GOLGB1: variants seen among roughly 807,000 people sequenced by gnomAD.
GOLGB1 encodes golgin subfamily B member 1.
Under a neutral mutation model 336.9 loss-of-function variants are expected in GOLGB1, and 174 were observed. That is an observed-to-expected ratio of 0.52 (90% CI 0.46 to 0.59). The LOEUF is 0.59. Among genes scored for constraint, GOLGB1 ranks in the 20% least tolerant of loss-of-function variants. The pLI, the probability that GOLGB1 is intolerant of heterozygous loss-of-function variation, is 0.00. For missense variants in GOLGB1, 3,331 were observed against 3,645.3 expected, an observed-to-expected ratio of 0.91 and a Z score of 2.22; for synonymous variants, 1,208 against 1,289.2, an observed-to-expected ratio of 0.94 and a Z score of 1.35.
At chr3:121,677,165 T>C in intron 16 of GOLGB1, 120 bp downstream of exon 16, 1 of 1,235,330 alleles carries the variant, frequency 8.1e-7, no homozygotes, top group Non-Finnish European at 1.2e-6. Flanking sequence ...GATGGGCACT[T>C]AATTTGTAGG....
At chr3:121,668,359 A>C in intron 18 of GOLGB1, 2 of 410,840 alleles carry the variant, frequency 4.9e-6, no homozygotes, top group Admixed American at 4.5e-5. Context: ...CCAGATTCTC[A>C]TTCTTGAATT....
chr3:121,696,440 T>C lies in GOLGB1; in HGVS notation c.4083A>G (p.Leu1361=), dbSNP rs1300562076. ...INKQGLEIES[L]KTVSHEAEVH... ...CTTCAGCTTCATGGGATACTGTCTT[T>C]AGACTCTCGATTTCTAAACCCTGTT... Residue 1361 remains leucine, a synonymous_variant, in exon 13 of 22, where the codon CTA becomes CTG. Transcript: ENST00000614479. The C allele has an allele frequency of 1.2e-6, 2 of 1,614,130 alleles. No homozygotes were observed. The highest frequency in any genetic ancestry group is 2.7e-5 in the African/African-American group (2 of 75,058).
In GOLGB1 at chr3:121,717,049, G is replaced by A. The variant is rs748402804; in HGVS notation, c.976C>T (p.Leu326=). The A allele has an allele frequency of 5.0e-6, 8 of 1,613,184 alleles. No homozygotes were observed. Among genetic ancestry groups the A allele is most frequent in the Non-Finnish European group, 4.2e-6 (5 of 1,179,192 alleles). The stretch of plus-strand genomic sequence containing the variant: ...GCCACTTCAAGTTCCATCTTTTCCA[G>A]TAGAATCTTGGACTCCTCTCTTTCT... ...ETEREESKIL[L]EKMELEVAER... The change falls in exon 9 of 22, where the codon CTG becomes TTG. Residue 326 remains leucine (L), a synonymous_variant. Transcript: ENST00000614479.
chr3:121,723,583 A>C (rs1317168574), intron 5 of GOLGB1, among the ~76,000 whole-genome samples: 2 of 152,232 alleles, frequency 1.3e-5, no homozygotes, highest in Non-Finnish European at 1.5e-5. Context: ...TTTCACTTCT[A>C]AGTAGTATTC....
rs779496010 is a variant in GOLGB1, at chr3:121,668,156, C to G, written c.9324G>C (p.Gly3108=). 6.4e-7 allele frequency: 1 copy of G among 1,562,074 alleles called. No homozygotes were observed. Among genetic ancestry groups the G allele is most frequent in the Non-Finnish European group, 8.8e-7 (1 of 1,140,348 alleles). ...LEKQVQELQA[G]PLNIDVAPGA... ...CTGGAGCAACATCTATATTTAGTGG[C>G]CCCTGGAAGAAGAATAAGCTTAGTA... Residue 3108 remains glycine (G), a splice_region_variant and synonymous_variant, in exon 19 of 22, where the codon GGG becomes GGC. Coordinates refer to ENST00000614479, the MANE Select transcript of GOLGB1 (RefSeq NM_001366282.2).
In GOLGB1 at chr3:121,722,363, C is replaced by T. The variant is rs542591038; in HGVS notation, c.547G>A (p.Glu183Lys). 45 of 1,593,020 alleles carry T rather than the reference C, an allele frequency of 2.8e-5. No homozygotes were observed. In the South Asian group the frequency reaches 4.7e-4, roughly 17 times the overall value. Reference sequence around the variant, plus strand: ...TGTTGCTTCATCATTACAAATTCTTCCATCTCTGTAGAACTCTTATCAAAC... The same window carrying T: ...TGTTGCTTCATCATTACAAATTCTTTCATCTCTGTAGAACTCTTATCAAAC... Reference protein sequence around the residue: ...EQPAQSSTEMEEFVMMKQQLQ... With the variant: ...EQPAQSSTEMKEFVMMKQQLQ... The change falls in exon 6 of 22, where the codon GAA becomes AAA. Residue 183 changes from glutamate (E) to lysine (K), a missense_variant. Glu to Lys is a moderately conservative substitution (Grantham distance 56). Transcript: ENST00000614479.
intron 10 of GOLGB1, among the ~76,000 whole-genome samples, chr3:121,712,457 G>A (rs991307222): frequency 6.6e-6 from 1 of 151,772 alleles, no homozygotes; most frequent in African/African-American, 2.4e-5. Flanking sequence ...AAATAATTAA[G>A]CTCATCAAAA....
intron 1 of GOLGB1, among the ~76,000 whole-genome samples, chr3:121,747,975 T>C (rs1174692504): frequency 6.6e-6 from 1 of 152,022 alleles, no homozygotes; most frequent in Non-Finnish European, 1.5e-5. Context: ...CTAATAGTAA[T>C]TAACCTAGAG....
At chr3:121,728,824 G>GA (rs1195728634) in intron 4 of GOLGB1, among the ~76,000 whole-genome samples, 3 of 152,136 alleles carry the variant, frequency 2.0e-5, no homozygotes, top group Non-Finnish European at 4.4e-5. Flanking sequence ...TTCAGAGCTG[G>GA]AAGAAACCTT....
At chr3:121,693,362 C>T (rs1320677035) in intron 13 of GOLGB1, among the ~76,000 whole-genome samples, 2 of 152,138 alleles carry the variant, frequency 1.3e-5, no homozygotes, top group African/African-American at 4.8e-5. Flanking sequence ...TTGGTAGGCT[C>T]CTGTAATCCC....
chr3:121,701,182 C>T (rs1332357731), intron 11 of GOLGB1, among the ~76,000 whole-genome samples: 1 of 152,102 alleles, frequency 6.6e-6, no homozygotes, highest in Non-Finnish European at 1.5e-5. Flanking sequence ...AAAACCAATA[C>T]AGAAAACCTT....
chr3:121,695,835 G>A lies in GOLGB1; in HGVS notation c.4688C>T (p.Ser1563Phe), dbSNP rs577914240. The change falls in exon 13 of 22, where the codon TCT becomes TTT. Residue 1563 changes from serine to phenylalanine, a missense_variant. Physicochemically the swap from Ser to Phe is radical, Grantham distance 155 (BLOSUM62 -2). Transcript: ENST00000614479. ...RDKLITEMDR[S>F]LLENQSLSSS... is the part of the protein sequence containing the mutation. ...GCTGAGACTCTGATTTTCCAATAAA[G>A]ACCTGTCCATTTCTGTAATGAGTTT... 1.7e-5 allele frequency: 27 copies of A among 1,613,928 alleles called. No individual in the cohort carries two copies. In the South Asian group the frequency reaches 3.0e-4, roughly 18 times the overall value.
chr3:121,678,620 T>C (rs1382411277), intron 15 of GOLGB1, among the ~76,000 whole-genome samples: 1 of 151,964 alleles, frequency 6.6e-6, no homozygotes, highest in African/African-American at 2.4e-5. Flanking sequence ...CAGGTTAGAG[T>C]GCAGTGGCAT....
intron 15 of GOLGB1, among the ~76,000 whole-genome samples, chr3:121,680,222 G>A (rs1177170120): frequency 6.6e-6 from 1 of 152,218 alleles, no homozygotes; most frequent in Admixed American, 6.5e-5. Context: ...TGCCGGTGTG[G>A]TGTCAGTGAA....
rs747516596 is a variant in GOLGB1, at chr3:121,697,951, G to T, written c.2572C>A (p.Arg858Ser). The T allele has an allele frequency of 6.2e-7, 1 of 1,614,044 alleles. No homozygotes were observed. The highest frequency in any genetic ancestry group is 8.5e-7 in the Non-Finnish European group (1 of 1,179,978). Reference protein sequence around the residue: ...KESEVLEGAERVRHISSKVEE... With the variant: ...KESEVLEGAESVRHISSKVEE... ...ACTTTACTTGAGATATGCCTTACAC[G>T]TTCTGCCCCCTCAAGCACTTCACTT... Residue 858 changes from arginine to serine, a missense_variant, in exon 13 of 22, where the codon CGT (arginine) becomes AGT (serine). By Grantham distance (110) the Arg-to-Ser change is moderately radical. Coordinates refer to ENST00000614479, the MANE Select transcript of GOLGB1 (RefSeq NM_001366282.2).
At position 121,697,556 on chromosome 3, in the gene GOLGB1, C is replaced by T; in HGVS notation, c.2967G>A (p.Leu989=). The change falls in exon 13 of 22, where the codon CTG becomes CTA. Residue 989 remains leucine (L), a synonymous_variant. Coordinates refer to ENST00000614479, the MANE Select transcript of GOLGB1 (RefSeq NM_001366282.2). ...TCTTTCTCTGCTCATTTTCTTTCTT[C>T]AGAAGGTCAAATTCATGCTGAAGTT... The part of the protein sequence containing the change: ...KEELQHEFDL[L]KKENEQRKRK... 1.2e-6 allele frequency: 2 copies of T among 1,613,766 alleles called. No individual in the cohort carries two copies. The highest frequency in any genetic ancestry group is 1.1e-5 in the South Asian group (1 of 91,062).
intron 1 of GOLGB1, among the ~76,000 whole-genome samples, chr3:121,731,649 T>C (rs1319526857): frequency 1.3e-5 from 2 of 152,208 alleles, no homozygotes; most frequent in Admixed American, 6.5e-5. Context: ...GAAAGCTTTC[T>C]TGATAAACCA....
intron 1 of GOLGB1, chr3:121,749,066 C>T (rs771023424): frequency 1.9e-5 from 4 of 214,214 alleles, no homozygotes; most frequent in Non-Finnish European, 3.2e-5. Context: ...CCTCTCTTCT[C>T]ATCTTTCCAG....
At chr3:121,664,665 T>G (rs370588538) in intron 21 of GOLGB1, 51 bp from the exon 22 acceptor site, 2 of 1,557,258 alleles carry the variant, frequency 1.3e-6, no homozygotes, top group South Asian at 2.2e-5. Flanking sequence ...AGGGCTATGT[T>G]GCTTTCCCTC....
Sources: gnomAD v4.1 joint callset for allele counts (sites outside exome capture counted in the v4.1 genomes callset) on GRCh38, gnomAD v4.1.1 for gene constraint, MANE v1.5 for transcripts, NCBI Gene and HGNC (gene_info 2026-07-23, HGNC 2026-07-21) for gene names.